The following APC2 variants were observed in gnomAD, a reference collection of about 807,000 sequenced individuals.
APC2 encodes the protein APC regulator of Wnt signaling pathway 2, also known as adenomatous polyposis coli protein 2.
Under a neutral mutation model 72.5 loss-of-function variants are expected in APC2, and 41 were observed. The ratio of observed to expected loss-of-function variants is 0.57; its 90% confidence interval spans 0.44 to 0.73. The LOEUF is 0.73. Ranked by LOEUF, APC2 falls within the 30% of genes least tolerant of loss-of-function variation. The pLI is 0.00. For synonymous variants in APC2, 1,898 were observed against 1,612.0 expected, an observed-to-expected ratio of 1.18 and a Z score of -4.25; for missense variants, 3,729 against 3,403.4, an observed-to-expected ratio of 1.10 and a Z score of -2.38.
chr19:1,469,779 A>G lies in APC2; in HGVS notation c.6478A>G (p.Ser2160Gly). ...TGAGGACGTGCCCCACATCCTGCGCAGCACGCTTCCCGCCACGGCCCTGCC... is the reference window on the plus strand; with the variant it reads ...TGAGGACGTGCCCCACATCCTGCGCGGCACGCTTCCCGCCACGGCCCTGCC... ...RDEDVPHILR[S>G]TLPATALPLR... Residue 2160 changes from serine (S) to glycine (G), a missense_variant, in exon 15 of 15, where the codon AGC (serine) becomes GGC (glycine). Physicochemically the swap from Ser to Gly is moderately conservative, Grantham distance 56. Transcript: ENST00000590469. The G allele has an allele frequency of 6.6e-7, 1 of 1,514,564 alleles. No individual in the cohort carries two copies. Among genetic ancestry groups the G allele is most frequent in the Non-Finnish European group, 8.8e-7 (1 of 1,139,682 alleles). 93.8% of individuals were successfully genotyped at this position (1,514,564 alleles called of 1,614,324 possible).
At chr19:1,462,468 C>G (rs1412843163) in intron 14 of APC2, among the ~76,000 whole-genome samples, 1 of 148,670 alleles carries the variant, frequency 6.7e-6, no homozygotes, top group Non-Finnish European at 1.5e-5. Flanking sequence ...CCAGCCTGAC[C>G]AACATGGAGA....
In APC2 at chr19:1,472,729, C is replaced by G. The variant is rs773309011; in HGVS notation, c.*2516C>G. ...GTCCGCGGTCTCTGGACAATCAACT[C>G]AAGGTACGCCCACTGCAAGGCCTCC... On this transcript the variant is annotated 3_prime_UTR_variant, in exon 15 of 15. Transcript: ENST00000590469. 3 of 152,372 alleles carry G rather than the reference C, an allele frequency of 2.0e-5. No homozygotes were observed. Among genetic ancestry groups the G allele is most frequent in the Non-Finnish European group, 2.9e-5 (2 of 68,168 alleles). The allele number at this position is 152,372 out of a possible 1,614,324, so 9.4% of individuals were successfully genotyped here.
rs770052851 is a variant in APC2, at chr19:1,465,999, G to A, written c.2698G>A (p.Gly900Ser). 2.7e-6 allele frequency: 4 copies of A among 1,506,282 alleles called. No individual in the cohort carries two copies. Among genetic ancestry groups the A allele is most frequent in the African/African-American group, 2.9e-5 (2 of 68,858 alleles). 93.3% of individuals were successfully genotyped at this position (1,506,282 alleles called of 1,614,324 possible). A position where few individuals can be genotyped will look rare whatever the true frequency, so the allele number is the denominator to read the frequency against. ...QSCSPCRGPE[G>S]GRREAGSRAH... ...CTGCTCGCCATGCCGCGGCCCGGAG[G>A]GCGGGCGGCGAGAGGCAGGAAGCCG... The change falls in exon 15 of 15, where the codon GGC becomes AGC. Residue 900 changes from glycine (G) to serine (S), a missense_variant. Transcript: ENST00000590469.
At chr19:1,457,734 G>A in intron 9 of APC2, 2 of 591,570 alleles carry the variant, frequency 3.4e-6, no homozygotes, top group South Asian at 2.0e-5. Context: ...AAGCACAGCT[G>A]AAAGGTGTGG....
At position 1,469,220 on chromosome 19, in the gene APC2, G is replaced by A. The variant is rs997339641; in HGVS notation, c.5919G>A (p.Val1973=). The A allele has an allele frequency of 8.5e-6, 12 of 1,408,256 alleles. No homozygotes were observed. The African/African-American group carries it at 9.1e-5, about 11-fold the overall frequency. 87.2% of individuals were successfully genotyped at this position (1,408,256 alleles called of 1,614,324 possible). The change falls in exon 15 of 15, where the codon GTG becomes GTA. Residue 1973 remains valine (V), a synonymous_variant. Transcript: ENST00000590469. The part of the protein sequence containing the change: ...PGARGGRLGL[V]RVASALSSGS... ...CGCGCGGGGGCCGCCTGGGCCTGGTGCGTGTGGCCTCAGCCCTCTCCAGCG... is the reference window on the plus strand; with the variant it reads ...CGCGCGGGGGCCGCCTGGGCCTGGTACGTGTGGCCTCAGCCCTCTCCAGCG...
chr19:1,466,955 C>T lies in APC2; in HGVS notation c.3654C>T (p.Pro1218=), dbSNP rs529253816. 535 of 1,603,792 alleles carry T rather than the reference C, an allele frequency of 3.3e-4. 4 individuals carry two copies. The South Asian group carries it at 5.6e-3, about 17-fold the overall frequency. ...GGAGCAAGACGCCACCGCTGGCGCC[C>T]GCGCCACAGGGTCCCCCCGAGGCCA... ...PSRSKTPPLA[P]APQGPPEATQ... is the part of the protein sequence containing the mutation. Residue 1218 remains proline, a synonymous_variant, in exon 15 of 15, where the codon CCC becomes CCT. Coordinates refer to ENST00000590469, the MANE Select transcript of APC2 (RefSeq NM_005883.3).
At chr19:1,450,059 G>C, upstream of APC2, 1 of 908,832 alleles carries the variant, frequency 1.1e-6, no homozygotes, top group African/African-American at 1.8e-5. Flanking sequence ...GCACCAGCCC[G>C]TCTTCCCGCG....
upstream of APC2, among the ~76,000 whole-genome samples, chr19:1,447,714 ATCTTG>A (rs1460983016): frequency 6.6e-6 from 1 of 152,110 alleles, no homozygotes; most frequent in Non-Finnish European, 1.5e-5. Flanking sequence ...GGCCAAGGGC[ATCTTG>A]TCTTGGGGTC....
rs1450585256 is a variant in APC2 at position 1,468,225 on chromosome 19, C to G, written c.4924C>G (p.Pro1642Ala). Residue 1642 changes from proline (P) to alanine (A), a missense_variant, in exon 15 of 15, where the codon CCC becomes GCC. Pro to Ala is a conservative substitution (Grantham distance 27, BLOSUM62 -1). Coordinates refer to ENST00000590469, the MANE Select transcript of APC2 (RefSeq NM_005883.3). ...CISSALPRRR[P>A]PVSGLRRRKP... ...CAGCTCGGCCCTGCCCAGGCGCCGG[C>G]CCCCCGTGTCTGGCCTGCGGCGCCG... is the stretch of plus-strand genomic sequence containing the variant. 1 of 1,479,426 alleles carries G rather than the reference C, an allele frequency of 6.8e-7. No homozygotes were observed. Among genetic ancestry groups the G allele is most frequent in the Non-Finnish European group, 8.9e-7 (1 of 1,122,798 alleles). The allele number at this position is 1,479,426 out of a possible 1,614,324, so 91.6% of individuals were successfully genotyped here. A position where few individuals can be genotyped will look rare whatever the true frequency, so the allele number is the denominator to read the frequency against.
chr19:1,468,803 C>T lies in APC2; in HGVS notation c.5502C>T (p.Ser1834=). The change falls in exon 15 of 15, where the codon AGC becomes AGT. Residue 1834 remains serine (S), a synonymous_variant. Transcript: ENST00000590469. ...CCGCGGCTCCAGCCAAAGTCCCGAG[C>T]CCCGGGCAGCAGCGGTCGCGGAGCC... ...AQPAAPAKVP[S]PGQQRSRSLH... 6.5e-7 allele frequency: 1 copy of T among 1,533,940 alleles called. No individual in the cohort carries two copies. Among genetic ancestry groups the T allele is most frequent in the Non-Finnish European group, 8.7e-7 (1 of 1,143,798 alleles).
intron 8 of APC2, 129 bp from the exon 9 acceptor site, chr19:1,456,724 C>T: frequency 8.2e-7 from 1 of 1,218,036 alleles, no homozygotes; most frequent in Non-Finnish European, 1.1e-6. Context: ...CTAGCGTCCC[C>T]TCATCTGTCC....
At chr19:1,457,553 C>T (rs1213628041) in intron 9 of APC2, 1 of 513,804 alleles carries the variant, frequency 1.9e-6, no homozygotes, top group Non-Finnish European at 3.4e-6. Flanking sequence ...AATATGGGGG[C>T]CGGGCGCTGT....
In APC2 at chr19:1,467,647, G is replaced by A; in HGVS notation, c.4346G>A (p.Gly1449Asp). 6.8e-7 allele frequency: 1 copy of A among 1,480,210 alleles called. No homozygotes were observed. The highest frequency in any genetic ancestry group is 1.5e-5 in the African/African-American group (1 of 68,362). The allele number at this position is 1,480,210 out of a possible 1,614,324, so 91.7% of individuals were successfully genotyped here. Reference sequence around the variant, plus strand: ...CACCGGCACAAGGCGGGAGGCGCCGGCCGCAGCGCGGAGCAGTCTCGGGGC... The same window carrying A: ...CACCGGCACAAGGCGGGAGGCGCCGACCGCAGCGCGGAGCAGTCTCGGGGC... ...MGHRHKAGGAGRSAEQSRGAG... is the reference protein window; with the variant it reads ...MGHRHKAGGADRSAEQSRGAG... Residue 1449 changes from glycine to aspartate, a missense_variant, in exon 15 of 15, where the codon GGC (glycine) becomes GAC (aspartate). Coordinates refer to ENST00000590469, the MANE Select transcript of APC2 (RefSeq NM_005883.3).
chr19:1,449,943 G>A (rs1349225315), upstream of APC2, among the ~76,000 whole-genome samples: 1 of 152,112 alleles, frequency 6.6e-6, no homozygotes, highest in Non-Finnish European at 1.5e-5. Flanking sequence ...CCTTCCCTCG[G>A]GGGGGTTTCG....
At chr19:1,460,420 C>A in intron 11 of APC2, 100 bp downstream of exon 11, 1 of 1,541,262 alleles carries the variant, frequency 6.5e-7, no homozygotes, top group Non-Finnish European at 8.8e-7. Context: ...GCCCTGAGAG[C>A]TGGGGCCACT....
At chr19:1,454,789 G>C (rs1344876805) in intron 4 of APC2, among the ~76,000 whole-genome samples, 1 of 152,024 alleles carries the variant, frequency 6.6e-6, no homozygotes, top group South Asian at 2.1e-4. Flanking sequence ...GGATGGTCTC[G>C]ATCTCCTGAC....
Position 1,468,012 on chromosome 19 carries a change from G to T in APC2, c.4711G>T (p.Asp1571Tyr). The T allele has an allele frequency of 6.3e-7, 1 of 1,586,536 alleles. No individual in the cohort carries two copies. Among genetic ancestry groups the T allele is most frequent in the Non-Finnish European group, 8.5e-7 (1 of 1,175,032 alleles). The stretch of plus-strand genomic sequence containing the variant: ...CCGGACCCAGCCCAGCCTCATTGCT[G>T]ACGAGACCCCGCCCTGCTACTCCCT... ...PARTQPSLIA[D>Y]ETPPCYSLSS... Residue 1571 changes from aspartate to tyrosine, a missense_variant, in exon 15 of 15, where the codon GAC becomes TAC. Asp to Tyr is a radical substitution (Grantham distance 160). Transcript: ENST00000590469.
intron 1 of APC2, among the ~76,000 whole-genome samples, chr19:1,450,740 C>T (rs1599127794): frequency 6.6e-6 from 1 of 152,314 alleles, no homozygotes; most frequent in Non-Finnish European, 1.5e-5. Flanking sequence ...GCAGCCCGCT[C>T]AATAAGACCA....
intron 13 of APC2, 82 bp downstream of exon 13, chr19:1,461,235 T>C: frequency 8.0e-7 from 1 of 1,246,098 alleles, no homozygotes; most frequent in East Asian, 2.3e-5. Flanking sequence ...CTCTCCGACT[T>C]GGGAGGAAAT....
Sources: gnomAD v4.1 joint callset for allele counts (sites outside exome capture counted in the v4.1 genomes callset) on GRCh38, gnomAD v4.1.1 for gene constraint, MANE v1.5 for transcripts, NCBI Gene and HGNC (gene_info 2026-07-23, HGNC 2026-07-21) for gene names.